Variants in RPS4Y1 observed in about 807,000 individuals in gnomAD.
RPS4Y1 encodes the protein small ribosomal subunit protein eS4, Y isoform 1.
For missense variants in RPS4Y1, 30 were observed against 60.9 expected, an observed-to-expected ratio of 0.49 and a Z score of 1.69; for synonymous variants, 23 against 20.8, an observed-to-expected ratio of 1.10 and a Z score of -0.28.
At chrY:2,843,611 A>G (rs1023301682) in intron 2 of RPS4Y1, among the ~76,000 whole-genome samples, 1 of 33,849 alleles carries the variant, frequency 3.0e-5, no homozygotes, top group African/African-American at 1.2e-4. Flanking sequence ...AGAGAGGAGG[A>G]ACGCACATTG....
intron 1 of RPS4Y1, 193 bp downstream of exon 1, chrY:2,841,820 G>T: frequency 3.9e-6 from 1 of 253,262 alleles, no homozygotes; most frequent in Non-Finnish European, 6.2e-6. Flanking sequence ...TCGGTCTGGG[G>T]GCCGTCACGT....
intron 5 of RPS4Y1, among the ~76,000 whole-genome samples, chrY:2,855,742 T>G: frequency 5.9e-5 from 2 of 33,821 alleles, no homozygotes; most frequent in Non-Finnish European, 7.3e-5. Flanking sequence ...TACCTAAACC[T>G]GTTGTTTGAT....
chrY:2,852,824 A>G (rs757806562), intron 4 of RPS4Y1, among the ~76,000 whole-genome samples: 1 of 34,057 alleles, frequency 2.9e-5, no homozygotes, highest in East Asian at 7.5e-4. Flanking sequence ...CATGTGGAAT[A>G]GGAGCCTTTG....
chrY:2,846,957 T>C (rs2051153045), intron 4 of RPS4Y1, among the ~76,000 whole-genome samples: 1 of 34,080 alleles, frequency 2.9e-5, no homozygotes. Flanking sequence ...AAAAACCTTG[T>C]GTCCAGGAGA....
chrY:2,848,653 A>C, intron 4 of RPS4Y1, among the ~76,000 whole-genome samples: 1 of 33,543 alleles, frequency 3.0e-5, no homozygotes, highest in Non-Finnish European at 7.4e-5. Flanking sequence ...ACAAATTATG[A>C]CTGGTCAAGA....
chrY:2,858,070 AT>A (rs2051161167), intron 5 of RPS4Y1, among the ~76,000 whole-genome samples: 1 of 28,277 alleles, frequency 3.5e-5, no homozygotes, highest in East Asian at 9.4e-4. Context: ...CTTTTTATAT[AT>A]TTTCTTTTTT....
chrY:2,854,585 T>C lies in RPS4Y1; in HGVS notation c.361-15T>C. 2.6e-6 allele frequency: 1 copy of C among 388,086 alleles called. No individual in the cohort carries two copies. Among genetic ancestry groups the C allele is most frequent in the South Asian group, 3.0e-5 (1 of 33,333 alleles). On this transcript the variant is annotated splice_polypyrimidine_tract_variant and intron_variant, in intron 4 of 6. Coordinates refer to ENST00000250784, the MANE Select transcript of RPS4Y1 (RefSeq NM_001008.4). ...TGTTTACATATTGAATTGATTTTCC[T>C]TGCTGTGTTTATAGTACAAGTTGTG...
intron 4 of RPS4Y1, among the ~76,000 whole-genome samples, chrY:2,848,847 T>C (rs2051154299): frequency 3.0e-5 from 1 of 32,980 alleles, no homozygotes. Flanking sequence ...AGTTCTGAGA[T>C]TGTAGTGCAC....
chrY:2,845,038 T>C, intron 3 of RPS4Y1, among the ~76,000 whole-genome samples: 1 of 32,669 alleles, frequency 3.1e-5, no homozygotes, highest in African/African-American at 1.2e-4. Context: ...CTTTGTCAGG[T>C]GTGGATGCTA....
At chrY:2,861,697 C>T in intron 5 of RPS4Y1, among the ~76,000 whole-genome samples, 1 of 25,359 alleles carries the variant, frequency 3.9e-5, no homozygotes, top group Non-Finnish European at 8.9e-5. Context: ...CTCACTGCAA[C>T]CTCTGCCTTT....
chrY:2,841,614 A>G lies in RPS4Y1; in HGVS notation c.-11A>G. 1 of 397,383 alleles carries G rather than the reference A, an allele frequency of 2.5e-6. No individual in the cohort carries two copies. Among genetic ancestry groups the G allele is most frequent in the Non-Finnish European group, 3.5e-6 (1 of 282,114 alleles). On this transcript the variant is annotated 5_prime_UTR_variant, in exon 1 of 7. Coordinates refer to ENST00000250784, the MANE Select transcript of RPS4Y1 (RefSeq NM_001008.4). Reference sequence around the variant, plus strand: ...AAAAGAACAGATTCTCTTCCGTCGCAGAGTTTCGCCATGGTAAGACCGATA... The same window carrying G: ...AAAAGAACAGATTCTCTTCCGTCGCGGAGTTTCGCCATGGTAAGACCGATA...
At chrY:2,865,800 G>GT in intron 6 of RPS4Y1, among the ~76,000 whole-genome samples, 1 of 33,966 alleles carries the variant, frequency 2.9e-5, no homozygotes, top group East Asian at 7.6e-4. Flanking sequence ...CTGAAATCAT[G>GT]CAGTATCCTT....
At chrY:2,848,471 T>C (rs904913759) in intron 4 of RPS4Y1, among the ~76,000 whole-genome samples, 1 of 33,816 alleles carries the variant, frequency 3.0e-5, no homozygotes, top group Non-Finnish European at 7.4e-5. Flanking sequence ...CAGTGGAAAC[T>C]TGAAGCGAAG....
intron 5 of RPS4Y1, among the ~76,000 whole-genome samples, chrY:2,860,215 G>C: frequency 6.0e-5 from 2 of 33,367 alleles, no homozygotes; most frequent in African/African-American, 2.4e-4. Context: ...TATTAAAATA[G>C]ATAAATCTTT....
At chrY:2,847,737 A>G in intron 4 of RPS4Y1, among the ~76,000 whole-genome samples, 1 of 33,969 alleles carries the variant, frequency 2.9e-5, no homozygotes, top group Non-Finnish European at 7.3e-5. Flanking sequence ...GGTGAAATAC[A>G]TGGATGCTTG....
intron 1 of RPS4Y1, 37 bp downstream of exon 1, chrY:2,841,664 C>T: frequency 7.8e-6 from 3 of 383,455 alleles, no homozygotes; most frequent in Non-Finnish European, 1.1e-5. Flanking sequence ...GTATATCTGC[C>T]TCCATCATTT....
At chrY:2,848,970 G>C (rs1028457629) in intron 4 of RPS4Y1, among the ~76,000 whole-genome samples, 7 of 31,435 alleles carry the variant, frequency 2.2e-4, no homozygotes, top group Non-Finnish European at 1.5e-4. Flanking sequence ...CCTCGTCTGA[G>C]TCTCTGAAGC....
chrY:2,852,820 G>T, intron 4 of RPS4Y1, among the ~76,000 whole-genome samples: 2 of 33,855 alleles, frequency 5.9e-5, no homozygotes, highest in Admixed American at 2.7e-4. Flanking sequence ...TCCACATGTG[G>T]AATAGGAGCC....
At chrY:2,853,936 G>A (rs2051157900) in intron 4 of RPS4Y1, among the ~76,000 whole-genome samples, 2 of 32,255 alleles carry the variant, frequency 6.2e-5, no homozygotes, top group Non-Finnish European at 1.5e-4. Context: ...GGGTTCAAGC[G>A]ACTTTCCTGC....
Sources: gnomAD v4.1 joint callset for allele counts (sites outside exome capture counted in the v4.1 genomes callset) on GRCh38, gnomAD v4.1.1 for gene constraint, MANE v1.5 for transcripts, NCBI Gene and HGNC (gene_info 2026-07-23, HGNC 2026-07-21) for gene names.